Variants in GRID2 observed in about 807,000 individuals in gnomAD.
GRID2 encodes glutamate receptor ionotropic, delta-2.
In GRID2, 33 loss-of-function variants were observed where a neutral mutation model predicts 114.8. The observed-to-expected ratio is 0.29, with a 90% CI of 0.22 to 0.38. GRID2 has a LOEUF of 0.38. Ranked by LOEUF, GRID2 falls within the 10% of genes least tolerant of loss-of-function variation. The probability of loss-of-function intolerance (pLI) is 1.00; values close to 1 mark genes in which losing one functional copy is unlikely to be tolerated. For missense variants in GRID2, 1,184 were observed against 1,257.7 expected (o/e 0.94, Z 0.89); for synonymous variants, 505 against 449.9 (o/e 1.12, Z -1.55).
intron 2 of GRID2, among the ~76,000 whole-genome samples, chr4:92,694,528 T>G (rs186387233): frequency 1.5e-3 from 223 of 152,336 alleles, no homozygotes; most frequent in African/African-American, 5.2e-3. Flanking sequence ...TCATTTCTGT[T>G]GAGATCACAT....
intron 13 of GRID2, among the ~76,000 whole-genome samples, chr4:93,527,138 A>G (rs576634148): frequency 1.3e-5 from 2 of 152,240 alleles, no homozygotes; most frequent in East Asian, 3.9e-4. Context: ...TCTCCTTCTC[A>G]ACTGCTAAAT....
chr4:92,351,573 C>A (rs1728071609), intron 1 of GRID2, among the ~76,000 whole-genome samples: 2 of 151,802 alleles, frequency 1.3e-5, no homozygotes, highest in African/African-American at 4.8e-5. Context: ...ACTATAGACA[C>A]CCTACAGTGC....
intron 1 of GRID2, among the ~76,000 whole-genome samples, chr4:92,584,358 A>G (rs1728323461): frequency 6.6e-6 from 1 of 152,018 alleles, no homozygotes; most frequent in Admixed American, 6.6e-5. Flanking sequence ...ACGTGTATGC[A>G]AAATGCATTG....
chr4:92,896,605 A>G (rs1437731231), intron 2 of GRID2, among the ~76,000 whole-genome samples: 1 of 151,622 alleles, frequency 6.6e-6, no homozygotes, highest in Non-Finnish European at 1.5e-5. Flanking sequence ...AGTCGAGAAC[A>G]CACCTTGCCT....
At chr4:93,523,737 C>G (rs1730561898) in intron 13 of GRID2, among the ~76,000 whole-genome samples, 2 of 152,116 alleles carry the variant, frequency 1.3e-5, no homozygotes, top group African/African-American at 4.8e-5. Context: ...TGGCTAACAG[C>G]AATCTCACCA....
At chr4:93,347,752 T>C (rs2149256008) in intron 8 of GRID2, among the ~76,000 whole-genome samples, 1 of 152,266 alleles carries the variant, frequency 6.6e-6, no homozygotes, top group Middle Eastern at 3.4e-3. Context: ...TACAATATAT[T>C]TGTGACTTGT....
intron 2 of GRID2, among the ~76,000 whole-genome samples, chr4:93,039,612 A>G (rs1385435159): frequency 6.6e-6 from 1 of 152,134 alleles, no homozygotes; most frequent in Non-Finnish European, 1.5e-5. Flanking sequence ...AATGGAGACC[A>G]GTTATATCTA....
chr4:93,617,266 C>T (rs1741773859), intron 13 of GRID2, among the ~76,000 whole-genome samples: 1 of 152,136 alleles, frequency 6.6e-6, no homozygotes, highest in African/African-American at 2.4e-5. Flanking sequence ...TTTTATAGAG[C>T]TATCAGGGGA....
chr4:93,777,395 A>T (rs1734390031), downstream of GRID2, among the ~76,000 whole-genome samples: 1 of 152,220 alleles, frequency 6.6e-6, no homozygotes, highest in Admixed American at 6.5e-5. Context: ...TAAGAGCTCT[A>T]TCTTGACTTG....
chr4:93,559,078 A>C (rs1734621266), intron 13 of GRID2, among the ~76,000 whole-genome samples: 1 of 152,192 alleles, frequency 6.6e-6, no homozygotes, highest in African/African-American at 2.4e-5. Context: ...TATTGATGGA[A>C]TGCATCTCAA....
intron 1 of GRID2, among the ~76,000 whole-genome samples, chr4:92,580,524 A>G (rs906033130): frequency 2.0e-5 from 3 of 151,954 alleles, no homozygotes; most frequent in African/African-American, 7.2e-5. Context: ...GCCCATTCAG[A>G]TAGGTAAAAT....
At chr4:93,324,213 A>G (rs1404905842) in intron 8 of GRID2, among the ~76,000 whole-genome samples, 4 of 152,138 alleles carry the variant, frequency 2.6e-5, no homozygotes, top group Non-Finnish European at 4.4e-5. Context: ...TTATTTTTAT[A>G]TACATCCCAT....
At chr4:92,683,192 G>T (rs931322128) in intron 2 of GRID2, among the ~76,000 whole-genome samples, 1 of 151,880 alleles carries the variant, frequency 6.6e-6, no homozygotes, top group Non-Finnish European at 1.5e-5. Flanking sequence ...CCAGCTACTC[G>T]GGAGGCTGAG....
chr4:92,565,876 A>T (rs1203124077), intron 1 of GRID2, among the ~76,000 whole-genome samples: 1 of 152,058 alleles, frequency 6.6e-6, no homozygotes, highest in East Asian at 1.9e-4. Context: ...CAAACTTAGC[A>T]ATTTAAAACA....
At chr4:92,312,781 A>G (rs1327511229) in intron 1 of GRID2, among the ~76,000 whole-genome samples, 1 of 152,070 alleles carries the variant, frequency 6.6e-6, no homozygotes, top group Non-Finnish European at 1.5e-5. Flanking sequence ...AAAGAATCAA[A>G]AAACAGTAGA....
At chr4:93,291,598 A>G (rs1352997976) in intron 8 of GRID2, among the ~76,000 whole-genome samples, 1 of 152,256 alleles carries the variant, frequency 6.6e-6, no homozygotes, top group Non-Finnish European at 1.5e-5. Flanking sequence ...ACACTGATAA[A>G]GATCACTTGG....
At chr4:93,557,108 G>GAAAAAA (rs1734398700) in intron 13 of GRID2, among the ~76,000 whole-genome samples, 1 of 151,990 alleles carries the variant, frequency 6.6e-6, no homozygotes, top group Non-Finnish European at 1.5e-5. Flanking sequence ...ATATGGAGAG[G>GAAAAAA]AAAAAACGGT....
intron 13 of GRID2, among the ~76,000 whole-genome samples, chr4:93,574,446 A>G (rs1435633721): frequency 2.0e-5 from 3 of 152,192 alleles, no homozygotes; most frequent in Non-Finnish European, 4.4e-5. Flanking sequence ...GGCAATTGAC[A>G]AAAGAAAGAG....
At chr4:93,342,209 G>A (rs1440396306) in intron 8 of GRID2, among the ~76,000 whole-genome samples, 1 of 152,098 alleles carries the variant, frequency 6.6e-6, no homozygotes, top group Non-Finnish European at 1.5e-5. Flanking sequence ...ACACCTATAA[G>A]TCCATGATCT....
Sources: allele counts gnomAD v4.1 joint callset (sites outside exome capture counted in the v4.1 genomes callset), GRCh38; gene constraint gnomAD v4.1.1; transcripts MANE v1.5; gene names NCBI Gene and HGNC (gene_info 2026-07-23, HGNC 2026-07-21).